Variants in GTF3C2 observed in about 807,000 individuals in gnomAD.
GTF3C2 encodes the protein general transcription factor IIIC subunit 2.
GTF3C2 carries 17 observed loss-of-function variants against 117.4 expected under a neutral mutation model. The ratio of observed to expected loss-of-function variants is 0.14; its 90% CI spans 0.10 to 0.22. GTF3C2 has a LOEUF of 0.22. GTF3C2 is among the 10% of genes least tolerant of loss of function. GTF3C2 has a pLI of 1.00. For missense variants in GTF3C2, 888 were observed against 1,143.6 expected, an observed-to-expected ratio of 0.78 and a Z score of 3.22; for synonymous variants, 437 against 427.0, an observed-to-expected ratio of 1.02 and a Z score of -0.29.
intron 10 of GTF3C2, 53 bp downstream of exon 10, chr2:27,335,545 C>G: frequency 9.7e-7 from 1 of 1,026,028 alleles, no homozygotes; most frequent in Non-Finnish European, 1.5e-6. Flanking sequence ...ACAGGCCCTG[C>G]TATGCTGTGA....
chr2:27,339,536 T>G (rs1301562594), intron 4 of GTF3C2: 1 of 152,000 alleles, frequency 6.6e-6, no homozygotes, highest in Non-Finnish European at 1.5e-5. Flanking sequence ...AAATGTTGCA[T>G]CAAAATAGCA....
chr2:27,349,422 C>T (rs1029684810), intron 1 of GTF3C2, among the ~76,000 whole-genome samples: 19 of 152,156 alleles, frequency 1.2e-4, no homozygotes, highest in Admixed American at 5.2e-4. Flanking sequence ...GCTGGGATTA[C>T]AGGCGTGAGC....
chr2:27,337,112 C>G, intron 7 of GTF3C2, 132 bp downstream of exon 7: 1 of 637,412 alleles, frequency 1.6e-6, no homozygotes. Flanking sequence ...CTCTAGTCAG[C>G]ACTCTTATTC....
chr2:27,329,147 A>C lies in GTF3C2; in HGVS notation c.2013T>G (p.Thr671=). The change falls in exon 14 of 19, where the codon ACT becomes ACG. Residue 671 remains threonine (T), a synonymous_variant. Transcript: ENST00000264720. This position sits in a 1 kb window ranked among gnomAD's most constrained non-coding sequence, Gnocchi z 4.5. ...AGGCATAGCAGTTGTCCTGAGCCAC[A>C]GTGACACCATTGTAGGGAAGCAGCC... The C allele has an allele frequency of 1.2e-6, 2 of 1,614,148 alleles. No homozygotes were observed. The highest frequency in any genetic ancestry group is 1.7e-6 in the Non-Finnish European group (2 of 1,180,008).
chr2:27,328,419 G>C (rs760744663), intron 16 of GTF3C2, 49 bp downstream of exon 16: 32 of 1,599,790 alleles, frequency 2.0e-5, no homozygotes, highest in Non-Finnish European at 2.6e-5. Flanking sequence ...ATTTGGGAGG[G>C]CATGTGGGTT....
chr2:27,335,259 G>A (rs775758172), intron 10 of GTF3C2: 10 of 501,276 alleles, frequency 2.0e-5, no homozygotes, highest in Non-Finnish European at 3.2e-5. Context: ...GGGAACAAGA[G>A]TATAGCAGGG....
At chr2:27,337,888 C>A (rs202072072) in intron 5 of GTF3C2, 38 bp downstream of exon 5, 125 of 1,193,870 alleles carry the variant, frequency 1.0e-4, no homozygotes, top group Non-Finnish European at 6.3e-6. Flanking sequence ...CCTCTACCAC[C>A]CCTTTATTAA....
chr2:27,328,631 A>G, intron 15 of GTF3C2, 35 bp from the exon 16 acceptor site: 5 of 1,573,218 alleles, frequency 3.2e-6, no homozygotes, highest in Non-Finnish European at 4.4e-6. Flanking sequence ...TCATTCATAT[A>G]TTCATTCAGA....
At chr2:27,350,741 G>C (rs1681102151) in intron 1 of GTF3C2, 1 of 152,318 alleles carries the variant, frequency 6.6e-6, no homozygotes, top group Non-Finnish European at 1.5e-5. Flanking sequence ...AAGGTCAGGA[G>C]TTCCCGACCA....
chr2:27,336,478 G>T (rs1220248295), intron 7 of GTF3C2, 53 bp from the exon 8 acceptor site: 11 of 1,057,610 alleles, frequency 1.0e-5, no homozygotes, highest in Non-Finnish European at 2.9e-6. Context: ...AAGGTAATGA[G>T]GACTGAATGG....
Position 27,333,515 on chromosome 2 carries a change from C to CTT in GTF3C2, c.1732+139_1732+140insAA. On this transcript the variant is annotated intron_variant, in intron 12 of 18. Coordinates refer to ENST00000264720, the Ensembl canonical transcript of GTF3C2. ...AAATAGTCTAGTGACTTATTTCTTT[C>CTT]TATTTTTTTTTTTTTACATTGCTTG... 8.2e-6 allele frequency: 5 copies of CTT among 610,068 alleles called. No individual in the cohort carries two copies. In the East Asian group the frequency reaches 1.5e-4, roughly 19 times the overall value. 37.8% of individuals were successfully genotyped at this position (610,068 alleles called of 1,614,324 possible).
At chr2:27,328,685 CA>C (rs1394373653) in intron 15 of GTF3C2, 89 bp from the exon 16 acceptor site, 1 of 1,220,806 alleles carries the variant, frequency 8.2e-7, no homozygotes, top group Non-Finnish European at 1.2e-6. Flanking sequence ...GACAGACACA[CA>C]AACAAAAATG....
rs756678928 is a variant in GTF3C2, at chr2:27,328,500, T to A, written c.2224A>T (p.Ile742Leu). The change falls in exon 16 of 19, where the codon ATA (isoleucine) becomes TTA (leucine). Residue 742 changes from isoleucine (I) to leucine (L), a missense_variant. By Grantham distance (5) the Ile-to-Leu change is conservative. Around this residue, in one of 7 missense-constraint regions of GTF3C2, gnomAD observed 129 missense variants for 156.0 expected, o/e 0.83. Coordinates refer to ENST00000264720, the Ensembl canonical transcript of GTF3C2. ...CGCTCTACAGGTCGCTTGACATTTATTGGATTCAGTGCCATATCTGGTAAT... is the reference window on the plus strand; with the variant it reads ...CGCTCTACAGGTCGCTTGACATTTAATGGATTCAGTGCCATATCTGGTAAT... 4 of 1,613,688 alleles carry A rather than the reference T, an allele frequency of 2.5e-6. No individual in the cohort carries two copies. In the South Asian group the frequency reaches 4.4e-5, roughly 18 times the overall value.
chr2:27,344,468 C>A (rs1210275258), intron 1 of GTF3C2, among the ~76,000 whole-genome samples: 2 of 152,012 alleles, frequency 1.3e-5, no homozygotes, highest in African/African-American at 4.8e-5. Flanking sequence ...GTCTCTGAAA[C>A]CCAATGAAAT....
chr2:27,337,647 A>T (rs1226836743), intron 5 of GTF3C2, 89 bp from the exon 6 acceptor site: 2 of 921,478 alleles, frequency 2.2e-6, no homozygotes, highest in East Asian at 4.9e-5. Context: ...GAAATGATCC[A>T]TTATCTGTGC....
exon 3 of GTF3C2, chr2:27,343,122 G>C (rs374628056): frequency 1.3e-6 from 2 of 1,589,644 alleles, no homozygotes; most frequent in Non-Finnish European, 1.7e-6. Flanking sequence ...TAGGCTTTGA[G>C]ACCTTTGACA....
At chr2:27,355,068 T>C (rs552244001) in intron 1 of GTF3C2, among the ~76,000 whole-genome samples, 45 of 152,352 alleles carry the variant, frequency 3.0e-4, no homozygotes, top group African/African-American at 1.0e-3. Context: ...TGTATATTAG[T>C]ACCCATTTTA....
intron 1 of GTF3C2, among the ~76,000 whole-genome samples, chr2:27,350,895 G>T (rs1003760140): frequency 1.3e-5 from 2 of 150,186 alleles, no homozygotes; most frequent in African/African-American, 4.9e-5. Flanking sequence ...TTTGCAGTGA[G>T]CCGAGACTGC....
rs35471821 is a variant in GTF3C2 at position 27,330,140 on chromosome 2, CAAAAA to C, written c.1733-622_1733-618del. On this transcript the variant is annotated intron_variant, in intron 12 of 18. Coordinates refer to ENST00000264720, the Ensembl canonical transcript of GTF3C2. The stretch of plus-strand genomic sequence containing the variant: ...TGAGTGACAAGAGCAGACTCCGTCT[CAAAAA>C]AAAAAAAAAAAAAGCATAAAAACTC... 5.9e-5 allele frequency among the ~76,000 whole-genome samples: 5 copies of C among 84,266 alleles called. No individual in the cohort carries two copies. In the East Asian group the frequency reaches 1.8e-3, roughly 31 times the overall value. The allele number at this position is 84,266 out of a possible 152,430, so 55.3% of individuals were successfully genotyped here.
Sources: gnomAD v4.1 joint callset for allele counts (sites outside exome capture counted in the v4.1 genomes callset) on GRCh38, gnomAD v4.1.1 for gene constraint, gnomAD v4.1.1 regional missense constraint, Gnocchi (gnomAD v3.1) non-coding constraint, MANE v1.5 for transcripts, NCBI Gene and HGNC (gene_info 2026-07-23, HGNC 2026-07-21) for gene names.